Variants in GALNT13 observed in about 807,000 individuals in gnomAD.
GALNT13 encodes the protein polypeptide N-acetylgalactosaminyltransferase 13.
GALNT13 carries 28 observed loss-of-function variants against 64.2 expected under a neutral mutation model. The observed-to-expected ratio is 0.44, with a 90% CI of 0.32 to 0.60. GALNT13 has a LOEUF of 0.60. Among genes scored for constraint, GALNT13 ranks in the 20% least tolerant of loss-of-function variants. The pLI is 0.05. For synonymous variants in GALNT13, 214 were observed against 224.6 expected (o/e 0.95, Z 0.42); for missense variants, 577 against 669.8 (o/e 0.86, Z 1.53).
chr2:153,916,178 T>A (rs1009853844), intron 2 of GALNT13, among the ~76,000 whole-genome samples: 33 of 150,916 alleles, frequency 2.2e-4, no homozygotes, highest in Admixed American at 6.6e-5. Flanking sequence ...TTTTTTTTTT[T>A]ATAAGGTCTT....
At chr2:153,719,952 G>A in the GALNT13 span, among the ~76,000 whole-genome samples, 6 of 152,080 alleles carry the variant, frequency 3.9e-5, no homozygotes, top group African/African-American at 1.2e-4. Context: ...ACTGGGTGGA[G>A]CCCACCACAG....
At chr2:153,653,698 G>A in the GALNT13 span, among the ~76,000 whole-genome samples, 1 of 152,000 alleles carries the variant, frequency 6.6e-6, no homozygotes, top group African/African-American at 2.4e-5. Flanking sequence ...AATAACATTT[G>A]AAAATAACAT....
chr2:153,812,233 A>C, the GALNT13 span, among the ~76,000 whole-genome samples: 1 of 152,162 alleles, frequency 6.6e-6, no homozygotes, highest in South Asian at 2.1e-4. Context: ...AACACATCTA[A>C]GATTTATCCA....
At chr2:154,450,143 C>G (rs985065025) in intron 12 of GALNT13, among the ~76,000 whole-genome samples, 5 of 151,928 alleles carry the variant, frequency 3.3e-5, no homozygotes, top group Admixed American at 2.6e-4. Context: ...GCAAAGGAGC[C>G]TGAATTCTTG....
chr2:153,151,400 G>T, the GALNT13 span, among the ~76,000 whole-genome samples: 1 of 151,948 alleles, frequency 6.6e-6, no homozygotes, highest in African/African-American at 2.4e-5. Context: ...AACTAGTTCA[G>T]CCATTGTGGA....
the GALNT13 span, among the ~76,000 whole-genome samples, chr2:153,333,377 C>A: frequency 6.6e-6 from 1 of 152,166 alleles, no homozygotes; most frequent in Non-Finnish European, 1.5e-5. Context: ...TAGGACTTTA[C>A]TCATTTTTGT....
chr2:153,301,886 T>C, the GALNT13 span, among the ~76,000 whole-genome samples: 1 of 150,344 alleles, frequency 6.7e-6, no homozygotes, highest in Non-Finnish European at 1.5e-5. Context: ...TTTGTGTGTG[T>C]GTGTGTGTGT....
intron 2 of GALNT13, among the ~76,000 whole-genome samples, chr2:153,937,884 A>T (rs1456665178): frequency 6.6e-6 from 1 of 152,220 alleles, no homozygotes; most frequent in African/African-American, 2.4e-5. Context: ...TGACCTTATC[A>T]CATGAGGTTT....
the GALNT13 span, among the ~76,000 whole-genome samples, chr2:153,395,193 T>A: frequency 6.6e-6 from 1 of 152,292 alleles, no homozygotes; most frequent in East Asian, 1.9e-4. Context: ...CCATTTTCCA[T>A]GCAACATAAA....
chr2:154,043,455 T>TATATATAC (rs1341373277), intron 3 of GALNT13, among the ~76,000 whole-genome samples: 13 of 104,998 alleles, frequency 1.2e-4, no homozygotes, highest in Non-Finnish European at 1.6e-4. Flanking sequence ...TATATATATA[T>TATATATAC]ACACACATGT....
At chr2:154,148,004 G>A (rs890102463) in intron 4 of GALNT13, among the ~76,000 whole-genome samples, 2 of 151,652 alleles carry the variant, frequency 1.3e-5, no homozygotes, top group Non-Finnish European at 2.9e-5. Context: ...TGCCATGCTG[G>A]TGTGCTGCAC....
the GALNT13 span, among the ~76,000 whole-genome samples, chr2:153,866,114 G>T: frequency 9.2e-6 from 1 of 108,970 alleles, no homozygotes; most frequent in African/African-American, 3.5e-5. Flanking sequence ...TGAACAATGA[G>T]ATCACATGGA....
At chr2:154,014,635 C>CTTTTTTTTTTTTTTTTCTTTTTTTTTTTT (rs60950180) in intron 3 of GALNT13, among the ~76,000 whole-genome samples, 1 of 77,228 alleles carries the variant, frequency 1.3e-5, no homozygotes, top group Non-Finnish European at 2.7e-5. Context: ...GATAATTCTC[C>CTTTTTTTTTTTTTTTTCTTTTTTTTTTTT]TTTTTTTTTT....
chr2:153,536,700 G>A, the GALNT13 span, among the ~76,000 whole-genome samples: 1 of 152,042 alleles, frequency 6.6e-6, no homozygotes, highest in South Asian at 2.1e-4. Flanking sequence ...TTTACATTGT[G>A]AAATAAATGA....
chr2:153,656,288 T>C, the GALNT13 span, among the ~76,000 whole-genome samples: 1 of 151,822 alleles, frequency 6.6e-6, no homozygotes, highest in Admixed American at 6.6e-5. Context: ...CTTTGTTATA[T>C]GTTTGACCAC....
the GALNT13 span, among the ~76,000 whole-genome samples, chr2:153,157,132 T>C: frequency 1.3e-5 from 2 of 151,870 alleles, no homozygotes; most frequent in African/African-American, 2.4e-5. Flanking sequence ...CAAATAGGAG[T>C]TTTTGTTTTG....
chr2:153,939,806 G>A (rs1359056871), intron 2 of GALNT13, among the ~76,000 whole-genome samples: 1 of 152,166 alleles, frequency 6.6e-6, no homozygotes, highest in Non-Finnish European at 1.5e-5. Context: ...AAGAGGTTAC[G>A]TGTTACATCC....
At position 153,984,694 on chromosome 2, in the gene GALNT13, C is replaced by T. The variant is rs975154761; in HGVS notation, c.142+40055C>T. Reference sequence around the variant, plus strand: ...AGTTATATAAGCAACATGATGCCCTCCTCTCACCCCAAGTCCAGGAATTTA... The same window carrying T: ...AGTTATATAAGCAACATGATGCCCTTCTCTCACCCCAAGTCCAGGAATTTA... On this transcript the variant is annotated intron_variant, in intron 3 of 12. Coordinates refer to ENST00000392825, the MANE Select transcript of GALNT13 (RefSeq NM_052917.4). Among the ~76,000 whole-genome samples the T allele has an allele frequency of 3.3e-5, 5 of 151,692 alleles. No individual in the cohort carries two copies. The South Asian group carries it at 1.0e-3, about 32-fold the overall frequency.
chr2:153,682,278 ATCC>A, the GALNT13 span, among the ~76,000 whole-genome samples: 1 of 151,546 alleles, frequency 6.6e-6, no homozygotes, highest in African/African-American at 2.4e-5. Flanking sequence ...TTTTCTTTAA[ATCC>A]TCCTGCTGAT....
Sources: gnomAD v4.1 joint callset for allele counts (sites outside exome capture counted in the v4.1 genomes callset) on GRCh38, gnomAD v4.1.1 for gene constraint, MANE v1.5 for transcripts, NCBI Gene and HGNC (gene_info 2026-07-23, HGNC 2026-07-21) for gene names.